SORCS1: variants seen among roughly 807,000 people sequenced by gnomAD.
SORCS1 encodes the protein sortilin related VPS10 domain containing receptor 1.
Under a neutral mutation model 146.1 loss-of-function variants are expected in SORCS1, and 60 were observed. That is an observed-to-expected ratio of 0.41 (90% CI 0.33 to 0.51). The LOEUF is 0.51. SORCS1 is among the 20% of genes least tolerant of loss of function. The pLI, the probability that SORCS1 is intolerant of heterozygous loss-of-function variation, is 0.21. For missense variants in SORCS1, 1,352 were observed against 1,487.6 expected (o/e 0.91, Z 1.50); for synonymous variants, 637 against 584.0 (o/e 1.09, Z -1.31).
intron 6 of SORCS1, among the ~76,000 whole-genome samples, chr10:106,710,809 C>T (rs1445536338): frequency 1.3e-5 from 2 of 152,130 alleles, no homozygotes; most frequent in Non-Finnish European, 2.9e-5. Context: ...TCTTCTAATC[C>T]ACCCTACTTT....
intron 3 of SORCS1, among the ~76,000 whole-genome samples, chr10:106,814,831 C>T (rs574805026): frequency 2.8e-4 from 37 of 131,034 alleles, no homozygotes; most frequent in African/African-American, 1.1e-3. Context: ...AGGAGAATGA[C>T]GTAAACCTGG....
chr10:106,597,141 T>C (rs1361190405), intron 24 of SORCS1, among the ~76,000 whole-genome samples: 1 of 152,210 alleles, frequency 6.6e-6, no homozygotes, highest in East Asian at 1.9e-4. Flanking sequence ...CATGAGCCAC[T>C]GAACCCAGCT....
chr10:106,678,243 G>A (rs1310449751), intron 12 of SORCS1, among the ~76,000 whole-genome samples: 1 of 152,124 alleles, frequency 6.6e-6, no homozygotes, highest in African/African-American at 2.4e-5. Flanking sequence ...TTGCGGTGTT[G>A]GAAAGAAGAA....
At chr10:106,883,062 G>T (rs12098240) in intron 2 of SORCS1, among the ~76,000 whole-genome samples, 12,917 of 152,252 alleles carry the variant, frequency 0.085, 1,566 homozygotes, top group African/African-American at 0.27. Flanking sequence ...TCTACAGAAG[G>T]TGTCCCAGCA....
At chr10:106,857,364 ACT>A (rs1447628062) in intron 2 of SORCS1, among the ~76,000 whole-genome samples, 2 of 152,144 alleles carry the variant, frequency 1.3e-5, no homozygotes, top group Admixed American at 6.5e-5. Flanking sequence ...CAAAGCAAAG[ACT>A]CAGGCTATAG....
intron 5 of SORCS1, among the ~76,000 whole-genome samples, chr10:106,737,747 T>C (rs1207357194): frequency 2.0e-5 from 3 of 151,884 alleles, no homozygotes; most frequent in African/African-American, 4.8e-5. Flanking sequence ...TCTAGAGAGA[T>C]ACCAGGGACC....
intron 3 of SORCS1, among the ~76,000 whole-genome samples, chr10:106,784,954 A>G (rs567958542): frequency 6.6e-6 from 1 of 152,334 alleles, no homozygotes; most frequent in East Asian, 1.9e-4. Context: ...AGTAAAATGA[A>G]AAGTCCATAG....
chr10:107,138,904 T>C (rs638700), intron 1 of SORCS1, among the ~76,000 whole-genome samples: 4,431 of 152,228 alleles, frequency 0.029, 229 homozygotes, highest in African/African-American at 0.1. Context: ...AGATATTTCA[T>C]CCCAGGGACA....
intron 1 of SORCS1, among the ~76,000 whole-genome samples, chr10:107,023,150 CTGTA>C (rs747226527): frequency 2.6e-5 from 4 of 152,130 alleles, no homozygotes; most frequent in Non-Finnish European, 5.9e-5. Flanking sequence ...AGTCCAGAGC[CTGTA>C]TGTATGTAAT....
Position 106,761,578 on chromosome 10 carries a change from T to G in SORCS1, c.959+10A>C, listed in dbSNP as rs561450185. On this transcript the variant is annotated intron_variant, in intron 5 of 25. Transcript: ENST00000263054. Reference sequence around the variant, plus strand: ...TATCTTAATGTGCTACAAGATAAAGTGAGACTTACCAGTAGAACCTGTTTG... The same window carrying G: ...TATCTTAATGTGCTACAAGATAAAGGGAGACTTACCAGTAGAACCTGTTTG... 97 of 1,613,190 alleles carry G rather than the reference T, an allele frequency of 6.0e-5. 1 individual carries two copies. The South Asian group carries it at 1.0e-3, about 17-fold the overall frequency.
At chr10:106,761,438 C>T in intron 5 of SORCS1, 150 bp downstream of exon 5, 1 of 626,530 alleles carries the variant, frequency 1.6e-6, no homozygotes, top group African/African-American at 1.8e-5. Context: ...ACTCTAATGT[C>T]ACATCCTGCC....
chr10:107,099,091 G>A (rs1964739325), intron 1 of SORCS1, among the ~76,000 whole-genome samples: 1 of 152,198 alleles, frequency 6.6e-6, no homozygotes, highest in Non-Finnish European at 1.5e-5. Context: ...CATATATAGT[G>A]TTAAAGGTAT....
At chr10:107,064,763 T>C (rs1961577085) in intron 1 of SORCS1, among the ~76,000 whole-genome samples, 1 of 152,242 alleles carries the variant, frequency 6.6e-6, no homozygotes, top group Non-Finnish European at 1.5e-5. Context: ...GACTTTATTA[T>C]ACATGCCTAC....
intron 5 of SORCS1, among the ~76,000 whole-genome samples, chr10:106,744,861 A>T (rs1458400484): frequency 6.6e-6 from 1 of 152,166 alleles, no homozygotes; most frequent in African/African-American, 2.4e-5. Flanking sequence ...GAGTTGCCCA[A>T]CTGAACAAAG....
intron 18 of SORCS1, among the ~76,000 whole-genome samples, chr10:106,640,771 TC>T (rs1204934799): frequency 1.3e-5 from 2 of 152,210 alleles, no homozygotes; most frequent in Non-Finnish European, 2.9e-5. Context: ...TGAGTGAGTC[TC>T]CAAGCACAGA....
At chr10:106,798,798 T>C (rs957778121) in intron 3 of SORCS1, among the ~76,000 whole-genome samples, 7 of 152,234 alleles carry the variant, frequency 4.6e-5, no homozygotes, top group Non-Finnish European at 7.3e-5. Flanking sequence ...TTTGGGTATA[T>C]ACCCAGTAAT....
chr10:106,577,723 A>G, intron 25 of SORCS1, 168 bp from the exon 26 acceptor site: 1 of 1,341,228 alleles, frequency 7.5e-7, no homozygotes, highest in African/African-American at 1.5e-5. Flanking sequence ...CTGAGAACCA[A>G]ACGATCCCCA....
At chr10:106,961,681 A>C (rs140360461) in intron 1 of SORCS1, among the ~76,000 whole-genome samples, 2 of 152,306 alleles carry the variant, frequency 1.3e-5, no homozygotes, top group African/African-American at 2.4e-5. Context: ...AGTTGCCCTC[A>C]CTGCTCTCCT....
chr10:106,852,619 C>T (rs1452695764), intron 2 of SORCS1, among the ~76,000 whole-genome samples: 6 of 135,272 alleles, frequency 4.4e-5, no homozygotes, highest in African/African-American at 1.7e-4. Flanking sequence ...CAGAGCGAGA[C>T]CCTGTCTCAA....
Sources: allele counts gnomAD v4.1 joint callset (sites outside exome capture counted in the v4.1 genomes callset), GRCh38; gene constraint gnomAD v4.1.1; transcripts MANE v1.5; gene names NCBI Gene and HGNC (gene_info 2026-07-23, HGNC 2026-07-21).